Variants in MACROD2 observed in about 807,000 individuals in gnomAD.
MACROD2 encodes the protein ADP-ribose glycohydrolase MACROD2.
Under a neutral mutation model 70.4 loss-of-function variants are expected in MACROD2, and 36 were observed. The ratio of observed to expected loss-of-function variants is 0.51; its 90% CI spans 0.39 to 0.68. The LOEUF is 0.68. Among genes scored for constraint, MACROD2 ranks in the 30% least tolerant of loss-of-function variants. The probability of loss-of-function intolerance (pLI) is 0.00; values close to 1 mark genes in which losing one functional copy is unlikely to be tolerated. For synonymous variants in MACROD2, 172 were observed against 178.8 expected, an observed-to-expected ratio of 0.96 and a Z score of 0.30; for missense variants, 496 against 538.4, an observed-to-expected ratio of 0.92 and a Z score of 0.78.
intron 8 of MACROD2, among the ~76,000 whole-genome samples, chr20:15,513,496 C>G (rs1171353856): frequency 6.6e-6 from 1 of 152,124 alleles, no homozygotes; most frequent in African/African-American, 2.4e-5. Flanking sequence ...GTTGGTTTAC[C>G]CAGCAGCTTA....
intron 8 of MACROD2, among the ~76,000 whole-genome samples, chr20:15,764,629 G>A (rs1048890238): frequency 6.6e-6 from 1 of 152,028 alleles, no homozygotes; most frequent in Non-Finnish European, 1.5e-5. Context: ...GTCTTCTTCC[G>A]ATGCCACCAC....
chr20:15,866,307 A>G (rs1219565456), intron 9 of MACROD2, among the ~76,000 whole-genome samples: 3 of 152,106 alleles, frequency 2.0e-5, no homozygotes, highest in Non-Finnish European at 4.4e-5. Context: ...GAAGTGGGAG[A>G]ATCACTTGAG....
intron 6 of MACROD2, among the ~76,000 whole-genome samples, chr20:15,378,584 A>AG (rs1341594669): frequency 6.6e-6 from 1 of 152,210 alleles, no homozygotes; most frequent in African/African-American, 2.4e-5. Context: ...ATTACTATAT[A>AG]GTCTTCCTTT....
chr20:15,409,768 G>C (rs2046052273), intron 6 of MACROD2, among the ~76,000 whole-genome samples: 1 of 152,174 alleles, frequency 6.6e-6, no homozygotes, highest in African/African-American at 2.4e-5. Context: ...TGTCCCTCTT[G>C]ATATCCATCA....
chr20:15,250,032 TA>T (rs1454961669), intron 6 of MACROD2, among the ~76,000 whole-genome samples: 1 of 152,220 alleles, frequency 6.6e-6, no homozygotes. Flanking sequence ...TTTCTTTACC[TA>T]AGGCCCTGGC....
At chr20:15,320,654 A>G (rs1000278709) in intron 6 of MACROD2, among the ~76,000 whole-genome samples, 9 of 152,178 alleles carry the variant, frequency 5.9e-5, no homozygotes. Flanking sequence ...ACTAGCTTCA[A>G]TTGCTAGTGT....
chr20:15,747,197 C>A (rs1260825927), intron 8 of MACROD2, among the ~76,000 whole-genome samples: 5 of 152,052 alleles, frequency 3.3e-5, no homozygotes, highest in Non-Finnish European at 7.4e-5. Flanking sequence ...CTTCTGAAGA[C>A]CCCCAAATAG....
At chr20:14,485,871 T>C (rs1381697019) in intron 3 of MACROD2, among the ~76,000 whole-genome samples, 2 of 151,990 alleles carry the variant, frequency 1.3e-5, no homozygotes, top group Admixed American at 1.3e-4. Context: ...TTTTATGTTT[T>C]TTCATTAACA....
rs191939993 is a variant in MACROD2 at position 15,087,063 on chromosome 20, A to G, written c.419-142877A>G. 1.5e-4 allele frequency among the ~76,000 whole-genome samples: 23 copies of G among 152,116 alleles called. No individual in the cohort carries two copies. The East Asian group carries it at 2.7e-3, about 18-fold the overall frequency. On this transcript the variant is annotated intron_variant, in intron 5 of 17. Transcript: ENST00000684519. ...AGGGAAAATCTATTTAATTATCTAT[A>G]CCAATACCTATCATCTATTTATGTA...
intron 15 of MACROD2, among the ~76,000 whole-genome samples, chr20:15,990,229 C>T (rs981973211): frequency 5.3e-5 from 8 of 151,894 alleles, no homozygotes; most frequent in Admixed American, 3.3e-4. Flanking sequence ...GAAATCCAGT[C>T]GAATAACGTC....
At chr20:14,906,363 G>A (rs1040743830) in intron 5 of MACROD2, among the ~76,000 whole-genome samples, 3 of 152,172 alleles carry the variant, frequency 2.0e-5, no homozygotes, top group African/African-American at 4.8e-5. Flanking sequence ...GCGTAGTGGC[G>A]CATGCCTGTA....
intron 3 of MACROD2, among the ~76,000 whole-genome samples, chr20:14,333,989 C>A (rs1568563930): frequency 6.6e-6 from 1 of 152,146 alleles, no homozygotes; most frequent in South Asian, 2.1e-4. Context: ...ATTGTCTCAT[C>A]GAGTGAGAGC....
At chr20:15,761,012 T>C (rs2051428014) in intron 8 of MACROD2, among the ~76,000 whole-genome samples, 1 of 152,204 alleles carries the variant, frequency 6.6e-6, no homozygotes, top group South Asian at 2.1e-4. Flanking sequence ...TGAAATATAC[T>C]GCGTACAGTC....
intron 5 of MACROD2, among the ~76,000 whole-genome samples, chr20:14,880,910 G>T (rs1236204749): frequency 6.6e-6 from 1 of 152,094 alleles, no homozygotes; most frequent in East Asian, 1.9e-4. Flanking sequence ...GCCGCCCAGC[G>T]TGGGCAGCTG....
At chr20:15,175,974 A>G (rs536774117) in intron 5 of MACROD2, among the ~76,000 whole-genome samples, 2 of 152,320 alleles carry the variant, frequency 1.3e-5, no homozygotes, top group East Asian at 1.9e-4. Context: ...TCCTGCCCCA[A>G]CAGGCTTAGA....
At chr20:14,390,562 C>T (rs747966726) in intron 3 of MACROD2, among the ~76,000 whole-genome samples, 21 of 152,090 alleles carry the variant, frequency 1.4e-4, no homozygotes, top group Non-Finnish European at 1.9e-4. Flanking sequence ...ACCAATGGAA[C>T]GGAATAGAGA....
intron 5 of MACROD2, chr20:14,850,192 T>A (rs908693622): frequency 1.9e-5 from 6 of 311,506 alleles, no homozygotes; most frequent in African/African-American, 1.3e-4. Context: ...ACAAAAAGCA[T>A]GAAGATAAGA....
chr20:15,591,688 T>C (rs1028526663), intron 8 of MACROD2, among the ~76,000 whole-genome samples: 7 of 151,574 alleles, frequency 4.6e-5, no homozygotes, highest in African/African-American at 1.7e-4. Flanking sequence ...TTTTCATCTT[T>C]AACCGGAATG....
At position 15,682,708 on chromosome 20, in the gene MACROD2, A is replaced by G. The variant is rs959801972; in HGVS notation, c.646-180037A>G. Among the ~76,000 whole-genome samples the G allele has an allele frequency of 1.1e-4, 16 of 152,202 alleles. No individual in the cohort carries two copies. In the East Asian group the frequency reaches 1.5e-3, roughly 15 times the overall value. ...CTTATCATATTTGACTATTGAAAAC[A>G]TGACCCCTCCCTGCAACTCTGTTTG... On this transcript the variant is annotated intron_variant, in intron 8 of 17. Coordinates refer to ENST00000684519, the MANE Select transcript of MACROD2 (RefSeq NM_001351661.2).
Sources: gnomAD v4.1 joint callset for allele counts (sites outside exome capture counted in the v4.1 genomes callset) on GRCh38, gnomAD v4.1.1 for gene constraint, MANE v1.5 for transcripts, NCBI Gene and HGNC (gene_info 2026-07-23, HGNC 2026-07-21) for gene names.